Variants in CAPG observed in about 807,000 individuals in gnomAD.
CAPG encodes the protein capping actin protein, gelsolin like, also known as macrophage-capping protein.
CAPG carries 32 observed loss-of-function variants against 44.6 expected under a neutral mutation model. The observed-to-expected ratio is 0.72, with a 90% confidence interval of 0.54 to 0.96. The LOEUF (loss-of-function observed/expected upper bound fraction) is 0.96. CAPG is among the 50% of genes least tolerant of loss of function. The pLI is 0.00. For missense variants in CAPG, 412 were observed against 438.3 expected, an observed-to-expected ratio of 0.94 and a Z score of 0.54; for synonymous variants, 175 against 179.6, an observed-to-expected ratio of 0.97 and a Z score of 0.20.
chr2:85,406,039 C>T (rs1427245448), intron 1 of CAPG, among the ~76,000 whole-genome samples: 1 of 152,118 alleles, frequency 6.6e-6, no homozygotes, highest in Non-Finnish European at 1.5e-5. Context: ...CGGTGGCTCA[C>T]GCCTGTAATC....
upstream of CAPG, chr2:85,413,248 T>C (rs376434125): frequency 1.3e-5 from 2 of 152,178 alleles, no homozygotes; most frequent in Admixed American, 6.5e-5. Flanking sequence ...GCCTCTCCTA[T>C]CACCACAGGA....
At chr2:85,410,901 C>A (rs1476213776), upstream of CAPG, among the ~76,000 whole-genome samples, 1 of 150,202 alleles carries the variant, frequency 6.7e-6, no homozygotes, top group Admixed American at 6.6e-5. Flanking sequence ...TTCACTGTCA[C>A]GCAAGCTGGA....
intron 1 of CAPG, among the ~76,000 whole-genome samples, chr2:85,408,097 C>T (rs1687248917): frequency 6.6e-6 from 1 of 152,134 alleles, no homozygotes; most frequent in African/African-American, 2.4e-5. Flanking sequence ...AATCCCAGAA[C>T]TTTGGAAGGC....
chr2:85,395,613 A>G lies in CAPG; in HGVS notation c.906T>C (p.Asn302=). 1 of 1,613,732 alleles carries G rather than the reference A, an allele frequency of 6.2e-7. No individual in the cohort carries two copies. Among genetic ancestry groups the G allele is most frequent in the South Asian group, 1.1e-5 (1 of 91,012 alleles). The change falls in exon 9 of 10, where the codon AAT becomes AAC. Residue 302 remains asparagine (N), a synonymous_variant. Transcript: ENST00000263867. The surrounding 1 kb of genome is among the most constrained non-coding windows in gnomAD (Gnocchi z 4.3). ...KIYIWKGRKA[N]EKERQAALQV... ...GCAGGGCTGCCTGCCGCTCCTTCTC[A>G]TTCGCTTTTCGCCCTAGATCATAGG...
chr2:85,392,075 C>T (rs917871008), downstream of CAPG, among the ~76,000 whole-genome samples: 5 of 152,196 alleles, frequency 3.3e-5, no homozygotes, highest in Admixed American at 6.5e-5. Flanking sequence ...TGGCGAAGGC[C>T]AGCACTGTTG....
chr2:85,398,275 TC>T, intron 7 of CAPG, 123 bp from the exon 8 acceptor site: 1 of 1,149,742 alleles, frequency 8.7e-7, no homozygotes, highest in Non-Finnish European at 1.2e-6. Flanking sequence ...ACTGCCCAGG[TC>T]CCAGGAGCAG....
downstream of CAPG, chr2:85,394,629 T>C (rs571407873): frequency 7.9e-4 from 421 of 531,818 alleles, 5 homozygotes; most frequent in South Asian, 8.4e-3. Flanking sequence ...TCCTCTGTCA[T>C]GCAAAGCAGC....
intron 1 of CAPG, 138 bp from the exon 2 acceptor site, chr2:85,402,296 T>C (rs1346703569): frequency 1.5e-6 from 1 of 671,300 alleles, no homozygotes; most frequent in Non-Finnish European, 2.6e-6. Context: ...CTAGTTCCAT[T>C]ATGCAGACAA....
At chr2:85,411,248 G>A (rs1367491460), upstream of CAPG, among the ~76,000 whole-genome samples, 1 of 152,164 alleles carries the variant, frequency 6.6e-6, no homozygotes, top group East Asian at 1.9e-4. Flanking sequence ...CTACCCTTTG[G>A]TCTGCTTCTC....
intron 5 of CAPG, among the ~76,000 whole-genome samples, chr2:85,400,562 A>T (rs1446690363): frequency 6.6e-6 from 1 of 151,170 alleles, no homozygotes; most frequent in Non-Finnish European, 1.5e-5. Flanking sequence ...GTCTCACTAG[A>T]CCCCTGGTGT....
At position 85,395,708 on chromosome 2, in the gene CAPG, G is replaced by A; in HGVS notation, c.893-82C>T. On this transcript the variant is annotated intron_variant, in intron 8 of 9. Transcript: ENST00000263867. The surrounding 1 kb of genome is among the most constrained non-coding windows in gnomAD (Gnocchi z 4.3). ...CCATTTTTCTTGAGGAAATTTAAGG[G>A]AGTCCACAGAAGAGCCAGCAATTTT... The A allele has an allele frequency of 1.0e-6, 1 of 1,001,156 alleles. No homozygotes were observed. The highest frequency in any genetic ancestry group is 1.5e-6 in the Non-Finnish European group (1 of 655,466). The allele number at this position is 1,001,156 out of a possible 1,614,324, so 62.0% of individuals were successfully genotyped here.
rs1194585290 is a variant in CAPG at position 85,402,775 on chromosome 2, CT to C, written c.-13-618del. Among the ~76,000 whole-genome samples the C allele has an allele frequency of 6.5e-3, 819 of 125,214 alleles. 5 individuals are homozygous for C. Among genetic ancestry groups the C allele is most frequent in the African/African-American group, 0.019 (624 of 33,286 alleles). 82.1% of individuals were successfully genotyped at this position (125,214 alleles called of 152,430 possible). On this transcript the variant is annotated intron_variant, in intron 1 of 9. Coordinates refer to ENST00000263867, the MANE Select transcript of CAPG (RefSeq NM_001747.4). ...GCCACCATGCCTGGCCTCAAGTTGG[CT>C]TTTTTTTTTTTGGAGACAGAGTCTC...
At chr2:85,408,337 G>GACAC in intron 1 of CAPG, among the ~76,000 whole-genome samples, 1 of 48,588 alleles carries the variant, frequency 2.1e-5, no homozygotes, top group South Asian at 6.3e-4. Context: ...GGAAGAATCT[G>GACAC]TCACACACAC....
chr2:85,405,545 G>A (rs1294709013), intron 1 of CAPG, among the ~76,000 whole-genome samples: 1 of 152,142 alleles, frequency 6.6e-6, no homozygotes, highest in Non-Finnish European at 1.5e-5. Flanking sequence ...CAGGGGCCAG[G>A]GAAGTCAGGG....
At chr2:85,401,122 G>A in intron 5 of CAPG, 43 bp downstream of exon 5, 1 of 1,582,776 alleles carries the variant, frequency 6.3e-7, no homozygotes. Context: ...CCTTATAAAG[G>A]ATGGTGCCAA....
intron 5 of CAPG, 122 bp from the exon 6 acceptor site, chr2:85,399,407 G>T: frequency 4.9e-6 from 5 of 1,030,742 alleles, no homozygotes; most frequent in Non-Finnish European, 7.1e-6. Flanking sequence ...AGGACAACCA[G>T]GAAGGCAGAG....
At chr2:85,402,928 G>A (rs975324259) in intron 1 of CAPG, among the ~76,000 whole-genome samples, 14 of 151,600 alleles carry the variant, frequency 9.2e-5, no homozygotes, top group South Asian at 2.1e-4. Flanking sequence ...ACACCACCAC[G>A]CCTGGCTAAT....
chr2:85,398,744 A>G lies in CAPG; in HGVS notation c.705T>C (p.Pro235=). ...CCTTGTCAGCTGTGAGGTCTTCCTC[A>G]GGGTTGCCCTCCTTCAGAGCAGGCT... ...GPKPALKEGN[P]EEDLTADKAN... is the part of the protein sequence containing the mutation. The change falls in exon 7 of 10, where the codon CCT becomes CCC. Residue 235 remains proline (P), a synonymous_variant. Coordinates refer to ENST00000263867, the MANE Select transcript of CAPG (RefSeq NM_001747.4). The G allele has an allele frequency of 6.2e-7, 1 of 1,607,900 alleles. No homozygotes were observed. Among genetic ancestry groups the G allele is most frequent in the South Asian group, 1.1e-5 (1 of 89,496 alleles).
chr2:85,407,210 G>A (rs905302147), intron 1 of CAPG, among the ~76,000 whole-genome samples: 45 of 152,232 alleles, frequency 3.0e-4, no homozygotes, highest in African/African-American at 9.4e-4. Context: ...GATTACAGGC[G>A]TGAGGCACTG....
Sources: allele counts gnomAD v4.1 joint callset (sites outside exome capture counted in the v4.1 genomes callset), GRCh38; gene constraint gnomAD v4.1.1; non-coding constraint Gnocchi (gnomAD v3.1); transcripts MANE v1.5; gene names NCBI Gene and HGNC (gene_info 2026-07-23, HGNC 2026-07-21).